SYNE2: variants seen among roughly 807,000 people sequenced by gnomAD.
SYNE2 encodes the protein nesprin-2.
Under a neutral mutation model 856.3 loss-of-function variants are expected in SYNE2, and 431 were observed. The observed-to-expected ratio is 0.50, with a 90% confidence interval of 0.47 to 0.55. The LOEUF is 0.55. SYNE2 is among the 20% of genes least tolerant of loss of function. The probability of loss-of-function intolerance (pLI) is 0.00; values close to 1 mark genes in which losing one functional copy is unlikely to be tolerated. For missense variants in SYNE2, 8,129 were observed against 8,023.2 expected (o/e 1.01, Z -0.50); for synonymous variants, 2,923 against 2,872.3 (o/e 1.02, Z -0.56).
At chr14:64,020,386 C>T (rs2096927616) in intron 35 of SYNE2, among the ~76,000 whole-genome samples, 1 of 152,134 alleles carries the variant, frequency 6.6e-6, no homozygotes, top group Non-Finnish European at 1.5e-5. Flanking sequence ...GACAAGCTTG[C>T]CCTATGGCCT....
intron 1 of SYNE2, among the ~76,000 whole-genome samples, chr14:63,886,382 GAC>G (rs1268793579): frequency 6.6e-6 from 1 of 152,120 alleles, no homozygotes; most frequent in East Asian, 1.9e-4. Flanking sequence ...ATTTATATAA[GAC>G]AGGGTGAAAT....
chr14:64,091,800 G>A (rs548589687), intron 60 of SYNE2, among the ~76,000 whole-genome samples: 7 of 152,194 alleles, frequency 4.6e-5, no homozygotes, highest in South Asian at 2.1e-4. Context: ...ACTTCCAACC[G>A]TCTCCGTCAA....
At chr14:64,021,815 C>T in intron 36 of SYNE2, 42 bp from the exon 37 acceptor site, 1 of 1,602,862 alleles carries the variant, frequency 6.2e-7, no homozygotes, top group Non-Finnish European at 8.5e-7. Flanking sequence ...TAATTTGAGC[C>T]TGTTTTAAGA....
rs1267593862 is a variant in SYNE2, at chr14:63,805,857, C to T, written c.-305+43871C>T. ...TATCCTGAAACTTTGTTGAAGTTGT[C>T]GATCAGATCTAGAAACTTTTGGGCA... On this transcript the variant is annotated intron_variant, in intron 1 of 23. Coordinates refer to the SYNE2 transcript ENST00000674003. 2.0e-5 allele frequency among the ~76,000 whole-genome samples: 3 copies of T among 152,252 alleles called. No individual in the cohort carries two copies. In the South Asian group the frequency reaches 6.2e-4, roughly 32 times the overall value.
chr14:64,142,329 C>G (rs1443666486), intron 82 of SYNE2, among the ~76,000 whole-genome samples: 1 of 152,204 alleles, frequency 6.6e-6, no homozygotes, highest in Admixed American at 6.5e-5. Flanking sequence ...AGACTGTGGT[C>G]TCACCTTTTT....
intron 45 of SYNE2, chr14:64,034,442 A>G: frequency 2.2e-6 from 1 of 453,462 alleles, no homozygotes; most frequent in Non-Finnish European, 3.9e-6. Flanking sequence ...AAGAATTTTT[A>G]GAAAGTTTTT....
At chr14:63,854,940 CATT>C (rs1285566445) in intron 1 of SYNE2, among the ~76,000 whole-genome samples, 2 of 152,058 alleles carry the variant, frequency 1.3e-5, no homozygotes, top group African/African-American at 2.4e-5. Context: ...GTTCATTTTT[CATT>C]ATTATATTTT....
intron 66 of SYNE2, among the ~76,000 whole-genome samples, chr14:64,115,139 C>T (rs1329914502): frequency 6.6e-6 from 1 of 152,136 alleles, no homozygotes; most frequent in Non-Finnish European, 1.5e-5. Flanking sequence ...CTGGGTAGAC[C>T]CTATGCCAAC....
intron 2 of SYNE2, among the ~76,000 whole-genome samples, chr14:63,918,994 G>A (rs536737750): frequency 7.6e-4 from 115 of 152,266 alleles, no homozygotes; most frequent in African/African-American, 2.6e-3. Flanking sequence ...CTTCCAGGGG[G>A]TTTTGATGTC....
intron 115 of SYNE2, 87 bp downstream of exon 115, chr14:64,225,132 TTGCAAA>T (rs2098713200): frequency 6.4e-7 from 1 of 1,572,638 alleles, no homozygotes; most frequent in Non-Finnish European, 8.7e-7. Flanking sequence ...ATCAAGGTCC[TTGCAAA>T]AATCTGGTTT....
chr14:63,980,886 A>G lies in SYNE2; in HGVS notation c.1649-100A>G. The G allele has an allele frequency of 2.8e-6, 3 of 1,064,960 alleles. No homozygotes were observed. The highest frequency in any genetic ancestry group is 4.2e-6 in the Non-Finnish European group (3 of 719,842). 66.0% of individuals were successfully genotyped at this position (1,064,960 alleles called of 1,614,324 possible). On this transcript the variant is annotated intron_variant, in intron 15 of 115. Transcript: ENST00000555002. The stretch of plus-strand genomic sequence containing the variant: ...TTCACTTTTAATATTGTCAGAGTAC[A>G]TATTATTTTGCCGCTGTCAATTAAT...
chr14:64,062,908 G>A lies in SYNE2; in HGVS notation c.10212+13G>A. The A allele has an allele frequency of 1.2e-6, 2 of 1,614,074 alleles. No individual in the cohort carries two copies. The highest frequency in any genetic ancestry group is 8.5e-7 in the Non-Finnish European group (1 of 1,180,010). ...GGAACAGAGCAAGGTAATAGTATTG[G>A]CAATTAGCCAGTAAGTCTGTGTGCA... is the stretch of plus-strand genomic sequence containing the variant. On this transcript the variant is annotated intron_variant, in intron 50 of 115. Coordinates refer to ENST00000555002, the MANE Select transcript of SYNE2 (RefSeq NM_182914.3).
At chr14:63,838,178 T>C (rs1353834694) in intron 1 of SYNE2, among the ~76,000 whole-genome samples, 2 of 152,194 alleles carry the variant, frequency 1.3e-5, no homozygotes, top group East Asian at 3.9e-4. Context: ...GAGACCAGCC[T>C]GGTGAACATG....
chr14:63,797,712 G>C (rs1162946075), intron 1 of SYNE2, among the ~76,000 whole-genome samples: 2 of 152,192 alleles, frequency 1.3e-5, no homozygotes, highest in Admixed American at 1.3e-4. Context: ...AAAGCGATGG[G>C]ATTACAGGTG....
At chr14:64,103,253 T>C (rs1399088879) in intron 64 of SYNE2, among the ~76,000 whole-genome samples, 1 of 151,900 alleles carries the variant, frequency 6.6e-6, no homozygotes, top group Non-Finnish European at 1.5e-5. Flanking sequence ...AACAGATACC[T>C]CAAAGGAGCA....
intron 45 of SYNE2, among the ~76,000 whole-genome samples, chr14:64,044,376 G>A (rs1002665232): frequency 1.3e-5 from 2 of 152,168 alleles, no homozygotes; most frequent in African/African-American, 2.4e-5. Context: ...TATCTAAGAA[G>A]TAACTAGCTT....
At chr14:63,850,908 G>T (rs1429143892), upstream of SYNE2, among the ~76,000 whole-genome samples, 3 of 152,256 alleles carry the variant, frequency 2.0e-5, no homozygotes, top group South Asian at 4.1e-4. Flanking sequence ...TTACTGTAAA[G>T]AAAGCAATAG....
At chr14:64,019,272 CA>C (rs5809210) in intron 34 of SYNE2, among the ~76,000 whole-genome samples, 49 of 143,122 alleles carry the variant, frequency 3.4e-4, no homozygotes, top group African/African-American at 9.2e-4. Flanking sequence ...GACTCCGTCT[CA>C]AAAAAAAAAA....
chr14:64,035,510 G>A (rs2097079996), intron 45 of SYNE2, among the ~76,000 whole-genome samples: 1 of 126,440 alleles, frequency 7.9e-6, no homozygotes, highest in Non-Finnish European at 1.6e-5. Context: ...CAACTTACAT[G>A]GTACATTTTT....
Sources: gnomAD v4.1 joint callset for allele counts (sites outside exome capture counted in the v4.1 genomes callset) on GRCh38, gnomAD v4.1.1 for gene constraint, MANE v1.5 for transcripts, NCBI Gene and HGNC (gene_info 2026-07-23, HGNC 2026-07-21) for gene names.